Variants in RORA observed in about 807,000 individuals in gnomAD.
RORA encodes the protein RAR related orphan receptor A.
A neutral mutation model predicts 69.5 loss-of-function variants in RORA; 7 were observed. The observed-to-expected ratio is 0.10, with a 90% confidence interval of 0.06 to 0.19. The LOEUF is 0.19. RORA is among the 10% of genes least tolerant of loss of function. The pLI, the probability that RORA is intolerant of heterozygous loss-of-function variation, is 1.00. For synonymous variants in RORA, 261 were observed against 240.8 expected (o/e 1.08, Z -0.78); for missense variants, 457 against 663.0 (o/e 0.69, Z 3.41).
In RORA at chr15:60,795,359, CA is replaced by C. The variant is rs2072480053; in HGVS notation, c.167-116674del. On this transcript the variant is annotated intron_variant, in intron 1 of 10. Transcript: ENST00000335670. ...AGCAGCAGCAAATAAAACCCCAACT[CA>C]AAATGGGCTGCTTGAGATGTAGAAT... Among the ~76,000 whole-genome samples, 3 of 152,334 alleles carry C rather than the reference CA, an allele frequency of 2.0e-5. No individual in the cohort carries two copies. In the South Asian group the frequency reaches 6.2e-4, roughly 32 times the overall value.
chr15:60,738,556 A>G (rs1050905612), intron 1 of RORA, among the ~76,000 whole-genome samples: 2 of 152,240 alleles, frequency 1.3e-5, no homozygotes, highest in Non-Finnish European at 2.9e-5. Context: ...ACATTTTATG[A>G]TATCGTTGGT....
intron 2 of RORA, among the ~76,000 whole-genome samples, chr15:60,633,864 G>A (rs2069786202): frequency 6.6e-6 from 1 of 152,096 alleles, no homozygotes; most frequent in South Asian, 2.1e-4. Context: ...TGTATATAAA[G>A]GTATTTTTAC....
intron 1 of RORA, among the ~76,000 whole-genome samples, chr15:61,122,211 A>G (rs892277709): frequency 6.6e-6 from 1 of 152,182 alleles, no homozygotes; most frequent in Non-Finnish European, 1.5e-5. Context: ...TCGGGAAGAC[A>G]TTATTCCACA....
At chr15:60,944,969 T>C (rs796745045) in intron 1 of RORA, among the ~76,000 whole-genome samples, 14 of 152,158 alleles carry the variant, frequency 9.2e-5, no homozygotes, top group African/African-American at 3.4e-4. Flanking sequence ...AGCTCAGAGA[T>C]ATAACAGATG....
In RORA at chr15:60,946,688, A is replaced by G. The variant is rs1595837013; in HGVS notation, c.167-268002T>C. Among the ~76,000 whole-genome samples the G allele has an allele frequency of 3.3e-5, 5 of 150,658 alleles. No homozygotes were observed. In the South Asian group the frequency reaches 1.1e-3, roughly 32 times the overall value. On this transcript the variant is annotated intron_variant, in intron 1 of 10. Transcript: ENST00000335670. ...AGATTGCAGCCTCTGCCCAGCCGCC[A>G]CCCCGTCTGGGAAGTGAGGAGCGTC...
chr15:60,949,899 T>C (rs917353326), intron 1 of RORA, among the ~76,000 whole-genome samples: 7 of 152,326 alleles, frequency 4.6e-5, no homozygotes, highest in African/African-American at 1.4e-4. Flanking sequence ...TTCACAGTCA[T>C]TTCCAGCTCG....
In RORA at chr15:60,867,430, G is replaced by T. The variant is rs530154245; in HGVS notation, c.167-188744C>A. The stretch of plus-strand genomic sequence containing the variant: ...ATTGAGTTTAATTGTAGAACACCCA[G>T]TTCGTGTGTGCCACAGAACTGAATT... On this transcript the variant is annotated intron_variant, in intron 1 of 10. Coordinates refer to ENST00000335670, the MANE Select transcript of RORA (RefSeq NM_134261.3). Among the ~76,000 whole-genome samples, 6 of 152,284 alleles carry T rather than the reference G, an allele frequency of 3.9e-5. No homozygotes were observed. The East Asian group carries it at 1.2e-3, about 29-fold the overall frequency.
At chr15:60,752,678 C>T (rs1301616574) in intron 1 of RORA, among the ~76,000 whole-genome samples, 1 of 139,012 alleles carries the variant, frequency 7.2e-6, no homozygotes, top group Non-Finnish European at 1.5e-5. Context: ...CGAAGTCGGT[C>T]AGTAGAGCAC....
At chr15:60,637,601 C>T (rs191263471) in intron 2 of RORA, among the ~76,000 whole-genome samples, 16 of 151,852 alleles carry the variant, frequency 1.1e-4, no homozygotes, top group Admixed American at 2.6e-4. Flanking sequence ...TGTTATACGG[C>T]GTGAAAAAAA....
chr15:60,587,356 A>G (rs1413061644), intron 2 of RORA, among the ~76,000 whole-genome samples: 1 of 152,136 alleles, frequency 6.6e-6, no homozygotes, highest in Non-Finnish European at 1.5e-5. Flanking sequence ...AATTGGATCT[A>G]TTTTTTTCCC....
intron 6 of RORA, 87 bp from the exon 7 acceptor site, chr15:60,503,754 C>A (rs1448070349): frequency 2.7e-6 from 4 of 1,506,936 alleles, no homozygotes; most frequent in Non-Finnish European, 3.6e-6. Flanking sequence ...GCAAAGCATG[C>A]CACTGCTTTA....
chr15:60,752,688 C>G (rs1249835432), intron 1 of RORA, among the ~76,000 whole-genome samples: 4 of 144,890 alleles, frequency 2.8e-5, no homozygotes, highest in African/African-American at 2.6e-5. Flanking sequence ...CAGTAGAGCA[C>G]TGCTGGGAAA....
chr15:60,735,633 G>A (rs778343703), intron 1 of RORA, among the ~76,000 whole-genome samples: 2 of 152,028 alleles, frequency 1.3e-5, no homozygotes, highest in Non-Finnish European at 2.9e-5. Flanking sequence ...TAAACAGAAG[G>A]TGAGTTCAAA....
At chr15:60,912,336 C>T (rs779095411) in intron 1 of RORA, among the ~76,000 whole-genome samples, 5 of 152,070 alleles carry the variant, frequency 3.3e-5, no homozygotes, top group African/African-American at 1.2e-4. Context: ...ATGACAGGAT[C>T]GCTTGAGCCC....
chr15:60,950,394 A>C (rs551700915), intron 1 of RORA, among the ~76,000 whole-genome samples: 506 of 102,742 alleles, frequency 4.9e-3, no homozygotes, highest in Non-Finnish European at 7.2e-3. Flanking sequence ...CGAGCAAAAT[A>C]ACCAGCTAAC....
At chr15:61,197,106 C>T (rs2079851914) in intron 1 of RORA, among the ~76,000 whole-genome samples, 1 of 152,226 alleles carries the variant, frequency 6.6e-6, no homozygotes, top group Admixed American at 6.5e-5. Flanking sequence ...AGCGTTACTT[C>T]CCGGTGCCAC....
At chr15:61,050,303 G>A (rs951146890) in intron 1 of RORA, among the ~76,000 whole-genome samples, 1 of 152,106 alleles carries the variant, frequency 6.6e-6, no homozygotes, top group Non-Finnish European at 1.5e-5. Flanking sequence ...GGCCCTTTAC[G>A]GAAAACGTGT....
chr15:61,184,027 G>A (rs1392075581), intron 1 of RORA, among the ~76,000 whole-genome samples: 2 of 152,140 alleles, frequency 1.3e-5, no homozygotes, highest in African/African-American at 4.8e-5. Context: ...AACTGACACA[G>A]AGCCATCTCC....
At chr15:61,127,573 A>T (rs1008153477) in intron 1 of RORA, among the ~76,000 whole-genome samples, 2 of 152,212 alleles carry the variant, frequency 1.3e-5, no homozygotes, top group Admixed American at 1.3e-4. Context: ...CATGATGCAC[A>T]AACGAAATGA....
Sources: gnomAD v4.1 joint callset for allele counts (sites outside exome capture counted in the v4.1 genomes callset) on GRCh38, gnomAD v4.1.1 for gene constraint, MANE v1.5 for transcripts, NCBI Gene and HGNC (gene_info 2026-07-23, HGNC 2026-07-21) for gene names.